NEGR1: variants seen among roughly 807,000 people sequenced by gnomAD.
NEGR1 encodes the protein IgLON family member 4.
Under a neutral mutation model 40.9 loss-of-function variants are expected in NEGR1, and 10 were observed. The ratio of observed to expected loss-of-function variants is 0.24; its 90% CI spans 0.15 to 0.42. The LOEUF is 0.42. NEGR1 is among the 10% of genes least tolerant of loss of function. The probability of loss-of-function intolerance (pLI) is 1.00; values close to 1 mark genes in which losing one functional copy is unlikely to be tolerated. For missense variants in NEGR1, 352 were observed against 438.9 expected (o/e 0.80, Z 1.77); for synonymous variants, 185 against 166.8 (o/e 1.11, Z -0.84).
chr1:71,775,434 C>T (rs1323479761), intron 3 of NEGR1, among the ~76,000 whole-genome samples: 1 of 151,146 alleles, frequency 6.6e-6, no homozygotes, highest in Non-Finnish European at 1.5e-5. Flanking sequence ...CAACCTCTGC[C>T]TCCTGGGTTC....
intron 2 of NEGR1, among the ~76,000 whole-genome samples, chr1:71,906,328 C>G (rs1217265418): frequency 1.3e-5 from 2 of 151,966 alleles, no homozygotes; most frequent in African/African-American, 4.8e-5. Flanking sequence ...TCTCAGAAAT[C>G]ACCAACTCAA....
rs1003026810 is a variant in NEGR1 at position 71,754,204 on chromosome 1, C to G, written c.535+21968G>C. On this transcript the variant is annotated intron_variant, in intron 3 of 6. Transcript: ENST00000357731. The stretch of plus-strand genomic sequence containing the variant: ...AATGACCAGCACACAGTACCCACCT[C>G]AGAGGTGCTGGGCTCCTCATGCTCT... Among the ~76,000 whole-genome samples, 11 of 152,306 alleles carry G rather than the reference C, an allele frequency of 7.2e-5. No individual in the cohort carries two copies. The South Asian group carries it at 1.7e-3, about 23-fold the overall frequency.
chr1:71,541,109 G>A (rs1401308908), intron 6 of NEGR1, among the ~76,000 whole-genome samples: 3 of 151,590 alleles, frequency 2.0e-5, no homozygotes, highest in Non-Finnish European at 4.4e-5. Flanking sequence ...GATTTAAGCG[G>A]GGACAAATAT....
At chr1:71,548,102 G>A (rs544086825) in intron 6 of NEGR1, among the ~76,000 whole-genome samples, 1 of 151,766 alleles carries the variant, frequency 6.6e-6, no homozygotes, top group East Asian at 2.0e-4. Context: ...CTTGATTACA[G>A]TCTCATGAGA....
Position 72,257,294 on chromosome 1 carries a change from C to G in NEGR1, c.176+25025G>C, listed in dbSNP as rs545430650. 1.2e-3 allele frequency among the ~76,000 whole-genome samples: 172 copies of G among 139,058 alleles called. 1 individual carries two copies. Among genetic ancestry groups the G allele is most frequent in the Non-Finnish European group, 2.1e-3 (141 of 66,146 alleles). The allele number at this position is 139,058 out of a possible 152,430, so 91.2% of individuals were successfully genotyped here. On this transcript the variant is annotated intron_variant, in intron 1 of 6. Transcript: ENST00000357731. ...CCGAGATCCCGCCACTGCACTCCAG[C>G]CTGGGCGACAGAGCGAGACTCTGTC...
chr1:71,686,575 T>C (rs1653047370), intron 4 of NEGR1, among the ~76,000 whole-genome samples: 1 of 152,196 alleles, frequency 6.6e-6, no homozygotes, highest in Non-Finnish European at 1.5e-5. Flanking sequence ...ATGTCACTTC[T>C]GCTTACATTT....
chr1:72,082,899 CTAAAAAT>C, intron 1 of NEGR1, among the ~76,000 whole-genome samples: 1 of 152,172 alleles, frequency 6.6e-6, no homozygotes, highest in Middle Eastern at 3.4e-3. Flanking sequence ...AAGCTGCAAT[CTAAAAAT>C]TAAAATGTAT....
chr1:71,895,097 G>A (rs1283192474), intron 2 of NEGR1, among the ~76,000 whole-genome samples: 2 of 152,134 alleles, frequency 1.3e-5, no homozygotes, highest in Non-Finnish European at 2.9e-5. Flanking sequence ...GCCTTGGATA[G>A]GAGTGACTAG....
Position 71,905,581 on chromosome 1 carries a change from T to C in NEGR1, c.409+29498A>G, listed in dbSNP as rs1467468436. 3.9e-5 allele frequency among the ~76,000 whole-genome samples: 6 copies of C among 152,040 alleles called. No homozygotes were observed. The East Asian group carries it at 1.2e-3, about 29-fold the overall frequency. ...GTGAAGTTAGGCAATATATGATCCA[T>C]TGGTCATTATTTAGTCCTTCAGAAT... On this transcript the variant is annotated intron_variant, in intron 2 of 6. Coordinates refer to ENST00000357731, the MANE Select transcript of NEGR1 (RefSeq NM_173808.3).
chr1:71,846,577 A>G (rs2101807874), intron 2 of NEGR1, among the ~76,000 whole-genome samples: 1 of 152,240 alleles, frequency 6.6e-6, no homozygotes, highest in South Asian at 2.1e-4. Flanking sequence ...TTCCACACAT[A>G]TTACTTTCTA....
At chr1:72,130,558 C>T (rs1034250841) in intron 1 of NEGR1, among the ~76,000 whole-genome samples, 4 of 151,998 alleles carry the variant, frequency 2.6e-5, no homozygotes, top group Admixed American at 2.6e-4. Context: ...CAAAACTGGC[C>T]CATCTCCAGA....
At chr1:72,216,430 C>A (rs12062479) in intron 1 of NEGR1, among the ~76,000 whole-genome samples, 3 of 136,706 alleles carry the variant, frequency 2.2e-5, no homozygotes, top group Admixed American at 2.2e-4. Context: ...TATCTATATA[C>A]ACACATATAT....
intron 6 of NEGR1, among the ~76,000 whole-genome samples, chr1:71,542,971 C>A (rs1647764314): frequency 6.6e-6 from 1 of 151,762 alleles, no homozygotes. Flanking sequence ...TGAATACATA[C>A]ATACACATAC....
chr1:72,067,592 A>T (rs986577186), intron 1 of NEGR1, among the ~76,000 whole-genome samples: 3 of 152,144 alleles, frequency 2.0e-5, no homozygotes, highest in African/African-American at 7.2e-5. Context: ...GTAGTTTTAC[A>T]CTGAGTAACT....
intron 5 of NEGR1, among the ~76,000 whole-genome samples, chr1:71,607,768 A>T (rs1650116954): frequency 1.3e-5 from 2 of 152,020 alleles, no homozygotes; most frequent in Non-Finnish European, 2.9e-5. Context: ...ATCTCGGCTC[A>T]CTGTAATCTC....
chr1:71,650,484 T>C lies in NEGR1; in HGVS notation c.668-39338A>G, dbSNP rs540899954. On this transcript the variant is annotated intron_variant, in intron 4 of 6. Coordinates refer to ENST00000357731, the MANE Select transcript of NEGR1 (RefSeq NM_173808.3). ...AAAAAGTACATTGAACCTGTGAAGA[T>C]ATAAATGCAAAAATGACCAATTTTG... 5.3e-5 allele frequency among the ~76,000 whole-genome samples: 8 copies of C among 152,310 alleles called. 1 individual carries two copies. The South Asian group carries it at 1.4e-3, about 28-fold the overall frequency.
rs555999284 is a variant in NEGR1, at chr1:71,494,815, T to C, written c.941-87245A>G. 2.0e-5 allele frequency among the ~76,000 whole-genome samples: 3 copies of C among 152,136 alleles called. No individual in the cohort carries two copies. The East Asian group carries it at 5.8e-4, about 30-fold the overall frequency. On this transcript the variant is annotated intron_variant, in intron 6 of 6. Transcript: ENST00000357731. Reference sequence around the variant, plus strand: ...CACTGATGTTGCTTCCTTCTAAATATCTATATATTGACTGTTCACCCTTGA... The same window carrying C: ...CACTGATGTTGCTTCCTTCTAAATACCTATATATTGACTGTTCACCCTTGA...
chr1:71,739,910 T>G (rs977999088), intron 3 of NEGR1, among the ~76,000 whole-genome samples: 3 of 152,204 alleles, frequency 2.0e-5, no homozygotes, highest in African/African-American at 7.2e-5. Context: ...ATCTCTACCA[T>G]GTACCTTAAG....
chr1:71,775,789 C>G (rs1053246825), intron 3 of NEGR1, among the ~76,000 whole-genome samples: 1 of 151,814 alleles, frequency 6.6e-6, no homozygotes, highest in African/African-American at 2.4e-5. Context: ...GCCAAGATTC[C>G]GAGGCCAACC....
Sources: allele counts gnomAD v4.1 joint callset (sites outside exome capture counted in the v4.1 genomes callset), GRCh38; gene constraint gnomAD v4.1.1; transcripts MANE v1.5; gene names NCBI Gene and HGNC (gene_info 2026-07-23, HGNC 2026-07-21).